Variants in GATB observed in about 807,000 individuals in gnomAD.
GATB encodes the protein glutamyl-tRNA amidotransferase subunit B, also known as glutamyl-tRNA(Gln) amidotransferase subunit B, mitochondrial.
A neutral mutation model predicts 62.3 loss-of-function variants in GATB; 39 were observed. The observed-to-expected ratio is 0.63, with a 90% CI of 0.48 to 0.82. GATB has a LOEUF of 0.82. GATB is among the 40% of genes least tolerant of loss of function. The pLI is 0.00. For synonymous variants in GATB, 276 were observed against 258.9 expected (o/e 1.07, Z -0.63); for missense variants, 670 against 684.0 (o/e 0.98, Z 0.23).
intron 7 of GATB, among the ~76,000 whole-genome samples, chr4:151,704,413 A>G (rs1273246149): frequency 6.6e-6 from 1 of 152,198 alleles, no homozygotes; most frequent in Admixed American, 6.5e-5. Context: ...GCCTCCTGGC[A>G]GCCCTAGGGT....
chr4:151,754,331 T>C (rs1739779603), intron 2 of GATB, among the ~76,000 whole-genome samples: 1 of 152,222 alleles, frequency 6.6e-6, no homozygotes, highest in Non-Finnish European at 1.5e-5. Flanking sequence ...ACTTTCTACT[T>C]GGCCAATTTC....
intron 4 of GATB, 109 bp from the exon 5 acceptor site, chr4:151,716,240 T>C (rs1738910120): frequency 2.4e-6 from 3 of 1,243,816 alleles, no homozygotes; most frequent in Admixed American, 2.6e-5. Flanking sequence ...ACTCTCAGAG[T>C]GGTTCTAGCC....
At chr4:151,748,001 A>G (rs1182257300) in intron 2 of GATB, among the ~76,000 whole-genome samples, 2 of 152,244 alleles carry the variant, frequency 1.3e-5, no homozygotes, top group African/African-American at 2.4e-5. Flanking sequence ...TCACTGCTCA[A>G]TGAAATAAAA....
Position 151,679,827 on chromosome 4 carries a change from A to C in GATB, c.1396T>G (p.Ser466Ala), listed in dbSNP as rs770387773. 1.9e-6 allele frequency: 3 copies of C among 1,614,100 alleles called. No individual in the cohort carries two copies. Among genetic ancestry groups the C allele is most frequent in the East Asian group, 2.2e-5 (1 of 44,884 alleles). Reference protein sequence around the residue: ...DLLDSRTISSSAAKQVFEELW... With the variant: ...DLLDSRTISSAAAKQVFEELW... ...TGTGGACATACCTGTTTAGCTGCTG[A>C]TGAAGAAATTGTTCTGCTGTCCAGC... Residue 466 changes from serine (S) to alanine (A), a missense_variant, in exon 11 of 13, where the codon TCA (serine) becomes GCA (alanine). By Grantham distance (99) the Ser-to-Ala change is moderately conservative. Coordinates refer to ENST00000263985, the MANE Select transcript of GATB (RefSeq NM_004564.3).
intron 3 of GATB, 59 bp from the exon 4 acceptor site, chr4:151,717,133 G>A: frequency 6.7e-7 from 1 of 1,488,106 alleles, no homozygotes; most frequent in South Asian, 1.1e-5. Context: ...CTGGGATCCA[G>A]TTTACTATCC....
chr4:151,739,245 A>C (rs1048412274), intron 2 of GATB, among the ~76,000 whole-genome samples: 1 of 152,172 alleles, frequency 6.6e-6, no homozygotes, highest in East Asian at 1.9e-4. Flanking sequence ...TCCAGTCCTT[A>C]TTATAATGAT....
At chr4:151,674,477 C>T (rs1186203018) in intron 11 of GATB, 1 of 152,178 alleles carries the variant, frequency 6.6e-6, no homozygotes, top group African/African-American at 2.4e-5. Context: ...TACACATTCA[C>T]TGCAGAAAAT....
At chr4:151,752,340 T>A (rs755859851) in intron 2 of GATB, among the ~76,000 whole-genome samples, 1 of 152,250 alleles carries the variant, frequency 6.6e-6, no homozygotes. Flanking sequence ...TAGAGATATA[T>A]GTCCTTCAAT....
At chr4:151,704,261 A>G (rs1414099747) in intron 7 of GATB, among the ~76,000 whole-genome samples, 1 of 152,148 alleles carries the variant, frequency 6.6e-6, no homozygotes, top group Non-Finnish European at 1.5e-5. Context: ...CCAGGTCTTC[A>G]CTCTGTTCCG....
intron 2 of GATB, among the ~76,000 whole-genome samples, chr4:151,740,616 A>G (rs1420183133): frequency 3.9e-5 from 6 of 152,192 alleles, no homozygotes; most frequent in African/African-American, 1.4e-4. Flanking sequence ...TACATGATGT[A>G]CTCATAAAAA....
chr4:151,703,543 G>A, intron 8 of GATB: 1 of 429,206 alleles, frequency 2.3e-6, no homozygotes. Context: ...GAACAGCCTA[G>A]GCCCCAACCT....
rs542238688 is a variant in GATB at position 151,690,899 on chromosome 4, C to T, written c.1198-2136G>A. Among the ~76,000 whole-genome samples, 7 of 152,320 alleles carry T rather than the reference C, an allele frequency of 4.6e-5. No individual in the cohort carries two copies. In the East Asian group the frequency reaches 1.4e-3, roughly 29 times the overall value. On this transcript the variant is annotated intron_variant, in intron 9 of 12. Coordinates refer to ENST00000263985, the MANE Select transcript of GATB (RefSeq NM_004564.3). ...CTATAGCGAGTGGGGCTGAAGGAGG[C>T]TGAGCTGCAGCCACCCAGGAAATGA...
At chr4:151,729,985 C>T (rs1250633147) in intron 2 of GATB, among the ~76,000 whole-genome samples, 1 of 152,156 alleles carries the variant, frequency 6.6e-6, no homozygotes, top group Non-Finnish European at 1.5e-5. Context: ...GAGAAAACTG[C>T]TCCTACAGGA....
intron 3 of GATB, 47 bp downstream of exon 3, chr4:151,719,378 C>T (rs1477744480): frequency 2.2e-6 from 3 of 1,379,180 alleles, no homozygotes; most frequent in East Asian, 2.3e-5. Flanking sequence ...GCAGGGCTGG[C>T]CCAGCTCTGA....
At chr4:151,683,783 A>G (rs1481627411) in intron 10 of GATB, among the ~76,000 whole-genome samples, 1 of 152,104 alleles carries the variant, frequency 6.6e-6, no homozygotes, top group Admixed American at 6.6e-5. Context: ...TAGTTTCCCA[A>G]TCCTTATCCT....
At chr4:151,705,557 C>A (rs754679869) in intron 6 of GATB, among the ~76,000 whole-genome samples, 3 of 152,180 alleles carry the variant, frequency 2.0e-5, no homozygotes, top group Admixed American at 2.0e-4. Flanking sequence ...AGAAGTGGGG[C>A]TGGGCCCAAT....
At chr4:151,707,857 A>G in intron 6 of GATB, 131 bp downstream of exon 6, 2 of 635,560 alleles carry the variant, frequency 3.1e-6, no homozygotes, top group Non-Finnish European at 5.6e-6. Flanking sequence ...GAGCCGACAC[A>G]GGACCAACAG....
At chr4:151,703,334 T>C (rs1197177186) in intron 8 of GATB, 1 of 152,798 alleles carries the variant, frequency 6.5e-6, no homozygotes, top group East Asian at 1.9e-4. Context: ...AAAGTTTCAA[T>C]TATCTTATGC....
intron 12 of GATB, among the ~76,000 whole-genome samples, chr4:151,671,591 C>T (rs113432030): frequency 1.8e-3 from 267 of 152,228 alleles, no homozygotes; most frequent in Non-Finnish European, 2.6e-3. Flanking sequence ...CCCTCTGCGA[C>T]GCCACAATGA....
Sources: gnomAD v4.1 joint callset for allele counts (sites outside exome capture counted in the v4.1 genomes callset) on GRCh38, gnomAD v4.1.1 for gene constraint, MANE v1.5 for transcripts, NCBI Gene and HGNC (gene_info 2026-07-23, HGNC 2026-07-21) for gene names.